The following ZBTB7C variants were observed in gnomAD, a reference collection of about 807,000 sequenced individuals.
ZBTB7C encodes zinc finger and BTB domain containing 7C.
ZBTB7C carries 8 observed loss-of-function variants against 25.7 expected under a neutral mutation model. That is an observed-to-expected ratio of 0.31 (90% CI 0.18 to 0.56). The LOEUF is 0.56. Among genes scored for constraint, ZBTB7C ranks in the 20% least tolerant of loss-of-function variants. ZBTB7C has a pLI of 0.91. For synonymous variants in ZBTB7C, 394 were observed against 369.0 expected (o/e 1.07, Z -0.78); for missense variants, 824 against 855.2 (o/e 0.96, Z 0.46).
chr18:48,287,336 C>T (rs1164912877), intron 2 of ZBTB7C, among the ~76,000 whole-genome samples: 1 of 152,074 alleles, frequency 6.6e-6, no homozygotes, highest in Non-Finnish European at 1.5e-5. Flanking sequence ...TGGACAAATT[C>T]CTGGAAGAAT....
intron 2 of ZBTB7C, among the ~76,000 whole-genome samples, chr18:48,297,206 G>T (rs1368189699): frequency 6.6e-6 from 1 of 152,140 alleles, no homozygotes; most frequent in South Asian, 2.1e-4. Context: ...CTGGACCTTG[G>T]ATTTATTTTT....
intron 2 of ZBTB7C, among the ~76,000 whole-genome samples, chr18:48,260,519 A>G (rs58949207): frequency 0.057 from 8,693 of 152,256 alleles, 553 homozygotes; most frequent in African/African-American, 0.16. Context: ...TATCCCAATA[A>G]AGCTGTTGAA....
chr18:48,384,644 T>C (rs2145223094), intron 1 of ZBTB7C, among the ~76,000 whole-genome samples: 1 of 152,280 alleles, frequency 6.6e-6, no homozygotes, highest in African/African-American at 2.4e-5. Flanking sequence ...ATTTTTTTTT[T>C]AGCTTATCAG....
intron 2 of ZBTB7C, among the ~76,000 whole-genome samples, chr18:48,213,161 T>C (rs1599114215): frequency 6.6e-6 from 1 of 152,232 alleles, no homozygotes; most frequent in Non-Finnish European, 1.5e-5. Context: ...ATGAGGCTGG[T>C]ACACTAGAGG....
intron 2 of ZBTB7C, among the ~76,000 whole-genome samples, chr18:48,227,019 C>CAA (rs1187830776): frequency 3.4e-4 from 19 of 56,012 alleles, no homozygotes; most frequent in South Asian, 7.6e-4. Flanking sequence ...GACTCCATCT[C>CAA]AAAAAAAAAA....
intron 2 of ZBTB7C, among the ~76,000 whole-genome samples, chr18:48,274,215 T>C (rs2044577421): frequency 6.6e-6 from 1 of 152,224 alleles, no homozygotes. Context: ...AGACTACCTC[T>C]CAATACCCCA....
intron 2 of ZBTB7C, among the ~76,000 whole-genome samples, chr18:48,322,741 C>A (rs910800767): frequency 1.3e-5 from 2 of 152,158 alleles, no homozygotes; most frequent in South Asian, 4.1e-4. Context: ...AAGATACTTG[C>A]ACTTGCATGT....
intron 2 of ZBTB7C, among the ~76,000 whole-genome samples, chr18:48,311,969 G>C (rs1269438425): frequency 6.6e-6 from 1 of 152,122 alleles, no homozygotes; most frequent in Non-Finnish European, 1.5e-5. Context: ...AGACATCTTT[G>C]ACCTGCCACC....
intron 2 of ZBTB7C, among the ~76,000 whole-genome samples, chr18:48,241,652 AC>A (rs1191517708): frequency 7.2e-5 from 11 of 152,164 alleles, no homozygotes; most frequent in Non-Finnish European, 2.9e-5. Context: ...AATTATTTGA[AC>A]TGAACAATAA....
intron 2 of ZBTB7C, among the ~76,000 whole-genome samples, chr18:48,239,290 A>G (rs2043461904): frequency 6.6e-6 from 1 of 152,176 alleles, no homozygotes; most frequent in Admixed American, 6.5e-5. Flanking sequence ...GGCCCTGCCC[A>G]TCACCTAAGA....
At chr18:48,395,055 A>C (rs2047989228) in intron 1 of ZBTB7C, among the ~76,000 whole-genome samples, 1 of 151,982 alleles carries the variant, frequency 6.6e-6, no homozygotes, top group African/African-American at 2.4e-5. Context: ...AGTATTAAAA[A>C]GCATCAGGAA....
chr18:48,320,096 A>G (rs966502270), intron 2 of ZBTB7C, among the ~76,000 whole-genome samples: 2 of 151,450 alleles, frequency 1.3e-5, no homozygotes, highest in African/African-American at 4.9e-5. Context: ...CAGGAAGTAG[A>G]CAGGCAGAGA....
At chr18:48,203,101 G>C (rs938257754) in intron 2 of ZBTB7C, among the ~76,000 whole-genome samples, 2 of 152,126 alleles carry the variant, frequency 1.3e-5, no homozygotes, top group African/African-American at 4.8e-5. Flanking sequence ...CAAGAGGATG[G>C]AGGCCCAGAT....
At chr18:48,332,398 C>A (rs1201331715) in intron 2 of ZBTB7C, among the ~76,000 whole-genome samples, 1 of 152,160 alleles carries the variant, frequency 6.6e-6, no homozygotes, top group Non-Finnish European at 1.5e-5. Context: ...AGTGTCCTCC[C>A]TTTCACATGG....
At chr18:48,167,563 G>GGGGTGTGTGTGTGTGTTTGT (rs1555705394) in intron 3 of ZBTB7C, among the ~76,000 whole-genome samples, 2 of 142,482 alleles carry the variant, frequency 1.4e-5, no homozygotes, top group Non-Finnish European at 3.1e-5. Context: ...GCATTGCTAG[G>GGGGTGTGTGTGTGTGTTTGT]GTGTGTGTGT....
intron 2 of ZBTB7C, among the ~76,000 whole-genome samples, chr18:48,246,453 A>G (rs557826420): frequency 6.6e-6 from 1 of 151,418 alleles, no homozygotes; most frequent in South Asian, 2.1e-4. Context: ...TAATAAAATA[A>G]TAATAATAAT....
In ZBTB7C at chr18:48,029,359, G is replaced by C. The variant is rs2035627016; in HGVS notation, c.1761C>G (p.Pro587=). Residue 587 remains proline (P), a synonymous_variant, in exon 5 of 5, where the codon CCC becomes CCG. Transcript: ENST00000590800. The part of the protein sequence containing the change: ...ALAENVAAAR[P]YFPLPDPWAA... Reference sequence around the variant, plus strand: ...CCCAAGGGTCGGGCAGCGGGAAGTAGGGCCGCGCCGCCGCCACGTTCTCGG... The same window carrying C: ...CCCAAGGGTCGGGCAGCGGGAAGTACGGCCGCGCCGCCGCCACGTTCTCGG... 1 of 1,545,534 alleles carries C rather than the reference G, an allele frequency of 6.5e-7. No individual in the cohort carries two copies.
intron 4 of ZBTB7C, among the ~76,000 whole-genome samples, chr18:48,038,691 A>G (rs1312496754): frequency 1.3e-5 from 2 of 152,068 alleles, no homozygotes; most frequent in African/African-American, 2.4e-5. Context: ...ATTCCCAAAG[A>G]TACATCTCCA....
intron 1 of ZBTB7C, chr18:48,346,695 G>A (rs1365498903): frequency 6.6e-6 from 1 of 152,246 alleles, no homozygotes; most frequent in Non-Finnish European, 1.5e-5. Context: ...GACCATCAGA[G>A]GAGCTGACCA....
Sources: gnomAD v4.1 joint callset for allele counts (sites outside exome capture counted in the v4.1 genomes callset) on GRCh38, gnomAD v4.1.1 for gene constraint, MANE v1.5 for transcripts, NCBI Gene and HGNC (gene_info 2026-07-23, HGNC 2026-07-21) for gene names.